The following EDRF1 variants were observed in gnomAD, a reference collection of about 807,000 sequenced individuals.
EDRF1 encodes erythroid differentiation-related factor 1.
A neutral mutation model predicts 148.7 loss-of-function variants in EDRF1; 69 were observed. The ratio of observed to expected loss-of-function variants is 0.46; its 90% CI spans 0.38 to 0.57. The LOEUF (loss-of-function observed/expected upper bound fraction) is 0.57, where lower values mean the gene tolerates loss of function less well. Among genes scored for constraint, EDRF1 ranks in the 20% least tolerant of loss-of-function variants. The pLI, the probability that EDRF1 is intolerant of heterozygous loss-of-function variation, is 0.00. For synonymous variants in EDRF1, 515 were observed against 532.8 expected, an observed-to-expected ratio of 0.97 and a Z score of 0.46; for missense variants, 1,118 against 1,478.7, an observed-to-expected ratio of 0.76 and a Z score of 4.00.
rs763619546 is a variant in EDRF1 at position 125,763,489 on chromosome 10, C to G, written c.*17C>G. The G allele has an allele frequency of 6.2e-7, 1 of 1,602,818 alleles. No homozygotes were observed. The highest frequency in any genetic ancestry group is 8.5e-7 in the Non-Finnish European group (1 of 1,179,348). On this transcript the variant is annotated 3_prime_UTR_variant, in exon 25 of 25. Transcript: ENST00000356792. The surrounding 1 kb of genome is among the most constrained non-coding windows in gnomAD (Gnocchi z 4.3). Reference sequence around the variant, plus strand: ...GTTCAGTGACTGCACAGAGCCGTGTCCCAGACACGCTGTCAGTGCCTTCAA... The same window carrying G: ...GTTCAGTGACTGCACAGAGCCGTGTGCCAGACACGCTGTCAGTGCCTTCAA...
intron 15 of EDRF1, among the ~76,000 whole-genome samples, chr10:125,740,111 C>T (rs1055204479): frequency 1.3e-5 from 2 of 152,194 alleles, no homozygotes; most frequent in African/African-American, 4.8e-5. Context: ...TGTTTGAGGA[C>T]AGGCTTTCAC....
intron 18 of EDRF1, 126 bp downstream of exon 18, chr10:125,743,402 C>A (rs1477828736): frequency 4.1e-6 from 3 of 737,690 alleles, no homozygotes; most frequent in South Asian, 1.5e-5. Flanking sequence ...TATTAGAGAA[C>A]CTCTTATTAT....
At position 125,737,984 on chromosome 10, in the gene EDRF1, C is replaced by G; in HGVS notation, c.1825C>G (p.Leu609Val). 1 of 1,613,692 alleles carries G rather than the reference C, an allele frequency of 6.2e-7. No homozygotes were observed. Among genetic ancestry groups the G allele is most frequent in the South Asian group, 1.1e-5 (1 of 91,074 alleles). The stretch of plus-strand genomic sequence containing the variant: ...CTGTAGACTTGTGCTTAGCTATGTT[C>G]TAGAGGTAAGTTTAAGTTTAGTCTT... ...ERCRLVLSYV[L>V]EGLKSVDSSI... Residue 609 changes from leucine to valine, a missense_variant, in exon 14 of 25, where the codon CTA (leucine) becomes GTA (valine). Coordinates refer to ENST00000356792, the MANE Select transcript of EDRF1 (RefSeq NM_001202438.2).
chr10:125,757,331 A>G (rs190921549), intron 24 of EDRF1, among the ~76,000 whole-genome samples: 2 of 152,330 alleles, frequency 1.3e-5, no homozygotes, highest in East Asian at 3.9e-4. Context: ...TTCAAGTAAT[A>G]TGATACTGCT....
intron 24 of EDRF1, 83 bp downstream of exon 24, chr10:125,753,928 A>C (rs1433930973): frequency 6.8e-7 from 1 of 1,478,442 alleles, no homozygotes; most frequent in African/African-American, 1.4e-5. Flanking sequence ...ATAAAGAAAA[A>C]CTAGGGGCCA....
chr10:125,740,394 A>C, intron 15 of EDRF1, 69 bp from the exon 16 acceptor site: 1 of 1,515,914 alleles, frequency 6.6e-7, no homozygotes, highest in Middle Eastern at 1.7e-4. Flanking sequence ...GAAACAGAAA[A>C]TATTTTTTGT....
chr10:125,731,913 T>C (rs745596236), intron 9 of EDRF1: 20 of 452,586 alleles, frequency 4.4e-5, no homozygotes, highest in Non-Finnish European at 4.5e-6. Flanking sequence ...AGACTGAGGA[T>C]CAAGGAGCTC....
At chr10:125,754,043 C>T (rs537595121) in intron 24 of EDRF1, among the ~76,000 whole-genome samples, 198 bp downstream of exon 24, 82 of 152,034 alleles carry the variant, frequency 5.4e-4, no homozygotes, top group Middle Eastern at 6.8e-3. Flanking sequence ...TGGTGAAACC[C>T]CATCTCTACC....
intron 3 of EDRF1, among the ~76,000 whole-genome samples, chr10:125,723,359 G>A (rs959521737): frequency 1.3e-5 from 2 of 152,210 alleles, no homozygotes; most frequent in African/African-American, 4.8e-5. Flanking sequence ...AACACTGGCA[G>A]TGGTAATAAT....
intron 9 of EDRF1, among the ~76,000 whole-genome samples, chr10:125,731,175 CAAT>C (rs948687044): frequency 6.6e-6 from 1 of 152,046 alleles, no homozygotes; most frequent in African/African-American, 2.4e-5. Context: ...AGAATTTAAA[CAAT>C]AAATAATTGT....
At chr10:125,757,962 G>A (rs1849995837) in intron 24 of EDRF1, among the ~76,000 whole-genome samples, 2 of 152,056 alleles carry the variant, frequency 1.3e-5, no homozygotes, top group African/African-American at 2.4e-5. Context: ...TCTGTAGCCC[G>A]TTATGCCTAT....
At chr10:125,754,083 C>T (rs184738101) in intron 24 of EDRF1, among the ~76,000 whole-genome samples, 3 of 151,834 alleles carry the variant, frequency 2.0e-5, no homozygotes, top group East Asian at 1.9e-4. Context: ...GGTATGGTGG[C>T]GGGCGCCTGT....
chr10:125,755,431 A>G (rs1335411848), intron 24 of EDRF1, among the ~76,000 whole-genome samples: 1 of 152,150 alleles, frequency 6.6e-6, no homozygotes, highest in African/African-American at 2.4e-5. Context: ...GTGTCTATGC[A>G]TAGGGGATAG....
intron 9 of EDRF1, chr10:125,731,895 G>T (rs929435373): frequency 1.5e-5 from 7 of 453,224 alleles, no homozygotes; most frequent in South Asian, 3.1e-5. Context: ...CCTATTTGAT[G>T]GAAAGAGAGA....
intron 15 of EDRF1, among the ~76,000 whole-genome samples, chr10:125,738,990 T>C (rs1166629012): frequency 6.6e-6 from 1 of 152,196 alleles, no homozygotes; most frequent in African/African-American, 2.4e-5. Context: ...ATTATCTAGT[T>C]CTTCAGGAAT....
chr10:125,723,052 T>TTTTTCTC lies in EDRF1; in HGVS notation c.318-12_318-6dup. On this transcript the variant is annotated splice_polypyrimidine_tract_variant and intron_variant, in intron 2 of 24. Transcript: ENST00000356792. ...AGCATGACCTCATAACCTGTGTCCT[T>TTTTTCTC]TTTTCTCTTTGGTAGCTTTGGCATG... 8 of 1,611,038 alleles carry TTTTTCTC rather than the reference T, an allele frequency of 5.0e-6. No homozygotes were observed. The highest frequency in any genetic ancestry group is 6.8e-6 in the Non-Finnish European group (8 of 1,177,292).
intron 7 of EDRF1, 122 bp downstream of exon 7, chr10:125,729,226 C>T: frequency 6.9e-7 from 1 of 1,444,822 alleles, no homozygotes; most frequent in South Asian, 1.2e-5. Context: ...GCTTTCTAAG[C>T]ATCTTTGTGA....
At chr10:125,742,889 AATAG>A (rs1437053762) in intron 17 of EDRF1, 165 bp from the exon 18 acceptor site, 2 of 853,420 alleles carry the variant, frequency 2.3e-6, no homozygotes, top group Non-Finnish European at 1.4e-6. Flanking sequence ...TTTATAAATA[AATAG>A]ATCTTTATTA....
intron 14 of EDRF1, 110 bp downstream of exon 14, chr10:125,738,099 T>C: frequency 7.5e-7 from 1 of 1,334,866 alleles, no homozygotes; most frequent in African/African-American, 1.4e-5. Context: ...TCTGCTGCGA[T>C]TTTTTTTTCC....
Sources: gnomAD v4.1 joint callset for allele counts (sites outside exome capture counted in the v4.1 genomes callset) on GRCh38, gnomAD v4.1.1 for gene constraint, Gnocchi (gnomAD v3.1) non-coding constraint, MANE v1.5 for transcripts, NCBI Gene and HGNC (gene_info 2026-07-23, HGNC 2026-07-21) for gene names.